The following NCK2 variants were observed in gnomAD, a reference collection of about 807,000 sequenced individuals.
NCK2 encodes cytoplasmic protein NCK2.
NCK2 carries 16 observed loss-of-function variants against 33.9 expected under a neutral mutation model. The observed-to-expected ratio is 0.47, with a 90% confidence interval of 0.32 to 0.72. The LOEUF is 0.72. Among genes scored for constraint, NCK2 ranks in the 30% least tolerant of loss-of-function variants. The pLI is 0.03. For synonymous variants in NCK2, 273 were observed against 239.9 expected (o/e 1.14, Z -1.27); for missense variants, 418 against 537.3 (o/e 0.78, Z 2.19).
In NCK2 at chr2:105,807,939, C is replaced by T. The variant is rs1371780378; in HGVS notation, c.-200-8491C>T. Among the ~76,000 whole-genome samples the T allele has an allele frequency of 3.3e-5, 5 of 149,904 alleles. No homozygotes were observed. In the East Asian group the frequency reaches 8.0e-4, roughly 24 times the overall value. On this transcript the variant is annotated intron_variant, in intron 1 of 4. Coordinates refer to ENST00000233154, the MANE Select transcript of NCK2 (RefSeq NM_003581.5). ...TCTCTGTCTCTGATGAAGTCTCCCT[C>T]TGTTGCCAGGCTGGAGTGCAGTGTG... is the stretch of plus-strand genomic sequence containing the variant.
At chr2:105,750,037 A>AACACACACACACACAC (rs72315025) in intron 1 of NCK2, among the ~76,000 whole-genome samples, 5,863 of 144,452 alleles carry the variant, frequency 0.041, 146 homozygotes, top group Non-Finnish European at 0.057. Context: ...AAAGCAAACA[A>AACACACACACACACAC]ACACACACAC....
intron 2 of NCK2, among the ~76,000 whole-genome samples, chr2:105,852,962 A>G (rs1677124799): frequency 1.3e-5 from 2 of 152,170 alleles, no homozygotes; most frequent in East Asian, 3.9e-4. Context: ...TAAATTTGGA[A>G]GTTAATTCAT....
intron 2 of NCK2, among the ~76,000 whole-genome samples, chr2:105,822,263 G>A (rs934179918): frequency 6.6e-6 from 1 of 152,096 alleles, no homozygotes; most frequent in African/African-American, 2.4e-5. Context: ...ATCCCCCGAG[G>A]GCCTCTGCTG....
chr2:105,769,441 G>A (rs773356406), intron 1 of NCK2, among the ~76,000 whole-genome samples: 3 of 152,212 alleles, frequency 2.0e-5, no homozygotes, highest in African/African-American at 4.8e-5. Context: ...GGAAGCAAAT[G>A]TAGGAAAAAT....
intron 2 of NCK2, among the ~76,000 whole-genome samples, chr2:105,839,629 G>A (rs372901686): frequency 4.4e-4 from 67 of 152,314 alleles, no homozygotes; most frequent in African/African-American, 1.6e-3. Flanking sequence ...GGAGAATGAA[G>A]AGCTTAGTTT....
chr2:105,800,143 G>T (rs1427121566), intron 1 of NCK2, among the ~76,000 whole-genome samples: 1 of 152,172 alleles, frequency 6.6e-6, no homozygotes, highest in African/African-American at 2.4e-5. Flanking sequence ...CAGCCATGTA[G>T]CCTGGCTGCA....
At chr2:105,862,836 C>G (rs934477135) in intron 3 of NCK2, among the ~76,000 whole-genome samples, 1 of 152,144 alleles carries the variant, frequency 6.6e-6, no homozygotes, top group African/African-American at 2.4e-5. Context: ...CTAAAAGAAG[C>G]AGACATATCA....
chr2:105,775,283 T>G (rs1056985998), intron 1 of NCK2, among the ~76,000 whole-genome samples: 28 of 152,292 alleles, frequency 1.8e-4, no homozygotes, highest in African/African-American at 4.8e-5. Flanking sequence ...GATGGGAAAT[T>G]TCAAAATTTA....
At chr2:105,814,967 G>A (rs1387776039) in intron 1 of NCK2, among the ~76,000 whole-genome samples, 1 of 152,242 alleles carries the variant, frequency 6.6e-6, no homozygotes, top group Non-Finnish European at 1.5e-5. Context: ...CACATACAGA[G>A]GTGGTGTTTG....
chr2:105,801,640 C>T (rs373985890), intron 1 of NCK2, among the ~76,000 whole-genome samples: 11 of 151,882 alleles, frequency 7.2e-5, no homozygotes, highest in Admixed American at 2.0e-4. Flanking sequence ...TGCTTGGCTT[C>T]TTACCTACCC....
intron 3 of NCK2, among the ~76,000 whole-genome samples, chr2:105,867,850 G>T (rs1445669456): frequency 6.6e-6 from 1 of 152,220 alleles, no homozygotes; most frequent in Non-Finnish European, 1.5e-5. Flanking sequence ...TCAAGCGGGA[G>T]TCTTAAGTTT....
intron 4 of NCK2, among the ~76,000 whole-genome samples, chr2:105,892,279 A>T (rs888284411): frequency 2.0e-5 from 3 of 152,210 alleles, no homozygotes; most frequent in Non-Finnish European, 4.4e-5. Context: ...CCTGCATGCA[A>T]ACCACTCTTA....
chr2:105,780,746 T>C (rs1396529666), intron 1 of NCK2, among the ~76,000 whole-genome samples: 1 of 152,168 alleles, frequency 6.6e-6, no homozygotes, highest in Non-Finnish European at 1.5e-5. Flanking sequence ...TTAATTTCCT[T>C]ACGGAAGACA....
At chr2:105,817,099 C>G (rs1031151142) in intron 2 of NCK2, among the ~76,000 whole-genome samples, 1 of 149,444 alleles carries the variant, frequency 6.7e-6, no homozygotes, top group Non-Finnish European at 1.5e-5. Flanking sequence ...TTACTTGAAC[C>G]TGGGAGGCGG....
intron 2 of NCK2, among the ~76,000 whole-genome samples, chr2:105,830,720 G>C (rs944779785): frequency 1.5e-5 from 1 of 65,318 alleles, no homozygotes; most frequent in East Asian, 4.3e-4. Context: ...TGTGTGTTTG[G>C]TCTGATAATA....
At chr2:105,836,620 G>A (rs867718128) in intron 2 of NCK2, among the ~76,000 whole-genome samples, 30 of 152,162 alleles carry the variant, frequency 2.0e-4, no homozygotes, top group African/African-American at 7.2e-4. Context: ...TTGTTCTAGG[G>A]GAAGCCTTCC....
chr2:105,865,930 T>TATTA, intron 3 of NCK2, among the ~76,000 whole-genome samples: 1 of 151,918 alleles, frequency 6.6e-6, no homozygotes, highest in African/African-American at 2.4e-5. Context: ...TTATTATTAT[T>TATTA]TGAGACAGAG....
chr2:105,868,347 C>A (rs1677842866), intron 3 of NCK2, among the ~76,000 whole-genome samples: 1 of 152,208 alleles, frequency 6.6e-6, no homozygotes, highest in Admixed American at 6.5e-5. Flanking sequence ...GTGACCCCCA[C>A]AGCTGTGAGA....
chr2:105,790,175 G>C (rs1327248805), intron 1 of NCK2, among the ~76,000 whole-genome samples: 1 of 152,218 alleles, frequency 6.6e-6, no homozygotes, highest in African/African-American at 2.4e-5. Flanking sequence ...CCCACAAATA[G>C]ACCTGAACAT....
Sources: gnomAD v4.1 joint callset for allele counts (sites outside exome capture counted in the v4.1 genomes callset) on GRCh38, gnomAD v4.1.1 for gene constraint, MANE v1.5 for transcripts, NCBI Gene and HGNC (gene_info 2026-07-23, HGNC 2026-07-21) for gene names.